The following ARID3A variants were observed in gnomAD, a reference collection of about 807,000 sequenced individuals.
The protein encoded by ARID3A is AT-rich interactive domain-containing protein 3A.
ARID3A carries 11 observed loss-of-function variants against 52.7 expected under a neutral mutation model. The ratio of observed to expected loss-of-function variants is 0.21; its 90% CI spans 0.13 to 0.35. ARID3A has a LOEUF of 0.35. ARID3A is among the 10% of genes least tolerant of loss of function. ARID3A has a pLI of 1.00. For missense variants in ARID3A, 721 were observed against 838.5 expected (o/e 0.86, Z 1.73); for synonymous variants, 404 against 359.4 (o/e 1.12, Z -1.40).
chr19:937,164 GGTTGAGACAGAACCGCTTGAA>G (rs1568358251), intron 3 of ARID3A, among the ~76,000 whole-genome samples: 1 of 151,624 alleles, frequency 6.6e-6, no homozygotes, highest in African/African-American at 2.4e-5. Flanking sequence ...GCACTCGGGA[GGTTGAGACAGAACCGCTTGAA>G]CCCGGGAGGC....
intron 6 of ARID3A, 164 bp downstream of exon 6, chr19:965,244 C>T: frequency 2.6e-6 from 2 of 772,310 alleles, no homozygotes; most frequent in South Asian, 2.1e-5. Context: ...CTATGGCAGA[C>T]ATTACCAATC....
At chr19:926,881 G>A (rs1568351806) in intron 1 of ARID3A, among the ~76,000 whole-genome samples, 2 of 151,224 alleles carry the variant, frequency 1.3e-5, no homozygotes, top group African/African-American at 2.5e-5. Flanking sequence ...GGCTGGAGGG[G>A]TTCCCCCCCC....
chr19:958,284 G>A (rs34913310), intron 3 of ARID3A: 17,378 of 151,172 alleles, frequency 0.11, 1,505 homozygotes, highest in East Asian at 0.4. Flanking sequence ...AAAATTAGCC[G>A]GGCGTGGTGG....
chr19:971,205 C>T (rs559756458), intron 8 of ARID3A, among the ~76,000 whole-genome samples: 10 of 152,288 alleles, frequency 6.6e-5, no homozygotes, highest in South Asian at 2.1e-4. Context: ...GCTGGGCTCA[C>T]GTCTGTAATC....
At chr19:954,836 TG>T (rs2037882953) in intron 3 of ARID3A, among the ~76,000 whole-genome samples, 1 of 79,052 alleles carries the variant, frequency 1.3e-5, no homozygotes, top group African/African-American at 4.9e-5. Flanking sequence ...TGGGGGGCGG[TG>T]GGGGTCTCAG....
rs945831051 is a variant in ARID3A at position 941,980 on chromosome 19, C to T, written c.693+9238C>T. The stretch of plus-strand genomic sequence containing the variant: ...TGCTGGACCCTGAAGCATGAGGTCG[C>T]GGTGGGGCCTATTAACCATTAGACC... On this transcript the variant is annotated intron_variant, in intron 3 of 8. Transcript: ENST00000263620. The surrounding 1 kb of genome is among the most constrained non-coding windows in gnomAD (Gnocchi z 6.9). 6.6e-5 allele frequency among the ~76,000 whole-genome samples: 10 copies of T among 152,126 alleles called. No individual in the cohort carries two copies. The highest frequency in any genetic ancestry group is 2.1e-4 in the South Asian group (1 of 4,830).
upstream of ARID3A, chr19:925,945 T>C (rs1340072322): frequency 2.0e-5 from 2 of 101,674 alleles, no homozygotes; most frequent in African/African-American, 7.7e-5. Flanking sequence ...GAGCGACTCG[T>C]CCCCTGGTGA....
chr19:943,693 G>T (rs1450135813), intron 3 of ARID3A, among the ~76,000 whole-genome samples: 3 of 152,232 alleles, frequency 2.0e-5, no homozygotes, highest in Non-Finnish European at 2.9e-5. Context: ...GCCCCCAGAA[G>T]CTGGGAGAGG....
Position 972,222 on chromosome 19 carries a change from G to GATATATATAT in ARID3A, c.*173_*182dup, listed in dbSNP as rs10637085. The GATATATATAT allele has an allele frequency of 1.0e-3, 222 of 222,680 alleles. No individual in the cohort carries two copies. The highest frequency in any genetic ancestry group is 2.3e-3 in the Admixed American group (36 of 15,678). 13.8% of individuals were successfully genotyped at this position (222,680 alleles called of 1,614,324 possible). ...CTGACGCCAAAAAGAAAAGAAAAAA[G>GATATATATAT]ATATATATATATATATATATATATA... is the stretch of plus-strand genomic sequence containing the variant. On this transcript the variant is annotated 3_prime_UTR_variant, in exon 9 of 9. Transcript: ENST00000263620.
chr19:940,370 C>T lies in ARID3A; in HGVS notation c.693+7628C>T, dbSNP rs566103018. 6.5e-4 allele frequency among the ~76,000 whole-genome samples: 98 copies of T among 151,894 alleles called. 1 individual carries two copies. The South Asian group carries it at 7.1e-3, about 11-fold the overall frequency. ...GTTTGCACTGGGCCGCATTTACAGC[C>T]GTCCTGGGCCGCGGGTCAGTCAAGC... On this transcript the variant is annotated intron_variant, in intron 3 of 8. Transcript: ENST00000263620.
chr19:961,288 GC>G (rs1283796261), intron 4 of ARID3A, among the ~76,000 whole-genome samples: 1 of 152,166 alleles, frequency 6.6e-6, no homozygotes, highest in Admixed American at 6.5e-5. Context: ...GCCACTGCCA[GC>G]CGCCCGGAAG....
chr19:974,933 C>T lies in ARID3A; in HGVS notation c.*2868C>T. The T allele has an allele frequency of 8.7e-6, 2 of 229,276 alleles. No homozygotes were observed. Among genetic ancestry groups the T allele is most frequent in the East Asian group, 1.2e-4 (2 of 16,208 alleles). 14.2% of individuals were successfully genotyped at this position (229,276 alleles called of 1,614,324 possible). On this transcript the variant is annotated 3_prime_UTR_variant, in exon 9 of 9. Coordinates refer to ENST00000263620, the MANE Select transcript of ARID3A (RefSeq NM_005224.3). Reference sequence around the variant, plus strand: ...AGAAGGAAGTCGCTGAAGGCAGTGGCCATGCTGGCCGTGGAAATGGGAGGC... The same window carrying T: ...AGAAGGAAGTCGCTGAAGGCAGTGGTCATGCTGGCCGTGGAAATGGGAGGC...
intron 3 of ARID3A, among the ~76,000 whole-genome samples, chr19:940,181 C>T (rs1398163842): frequency 6.6e-6 from 1 of 152,056 alleles, no homozygotes; most frequent in Non-Finnish European, 1.5e-5. Context: ...GTGACTGGAG[C>T]GTAATGTGTG....
chr19:970,812 G>A (rs1303911051), intron 8 of ARID3A, among the ~76,000 whole-genome samples: 1 of 152,108 alleles, frequency 6.6e-6, no homozygotes, highest in East Asian at 1.9e-4. Context: ...TCAGGCCGAT[G>A]GTTCATAGTG....
Position 932,470 on chromosome 19 carries a change from G to A in ARID3A, c.421G>A (p.Glu141Lys). ...EMEEDLGEDE[E>K]EEEEDYEDEE... is the part of the protein sequence containing the mutation. ...GGAGGAAGACCTCGGGGAGGATGAG[G>A]AGGAGGAGGAGGAGGATTACGAGGA... The change falls in exon 3 of 9, where the codon GAG becomes AAG. Residue 141 changes from glutamate (E) to lysine (K), a missense_variant. Glu to Lys is a moderately conservative substitution (Grantham distance 56). Coordinates refer to ENST00000263620, the MANE Select transcript of ARID3A (RefSeq NM_005224.3). 1.9e-6 allele frequency: 3 copies of A among 1,575,656 alleles called. No individual in the cohort carries two copies. Among genetic ancestry groups the A allele is most frequent in the Non-Finnish European group, 2.6e-6 (3 of 1,167,262 alleles).
chr19:968,161 C>T (rs2038200464), intron 7 of ARID3A, among the ~76,000 whole-genome samples: 1 of 151,818 alleles, frequency 6.6e-6, no homozygotes, highest in Non-Finnish European at 1.5e-5. Context: ...GAGATCGAGA[C>T]CATCCTGGCC....
At position 974,230 on chromosome 19, in the gene ARID3A, G is replaced by A. The variant is rs552001043; in HGVS notation, c.*2165G>A. Reference sequence around the variant, plus strand: ...GGGACTGTCACTTTCCTGTGTCTTTGGGGAGGGGACCCCCACTTCCTTCTC... The same window carrying A: ...GGGACTGTCACTTTCCTGTGTCTTTAGGGAGGGGACCCCCACTTCCTTCTC... On this transcript the variant is annotated 3_prime_UTR_variant, in exon 9 of 9. Transcript: ENST00000263620. The A allele has an allele frequency of 3.8e-3, 861 of 226,546 alleles. 5 individuals carry two copies. The highest frequency in any genetic ancestry group is 6.8e-3 in the Middle Eastern group (5 of 734). 14.0% of individuals were successfully genotyped at this position (226,546 alleles called of 1,614,324 possible).
chr19:935,324 C>T (rs1397325498), intron 3 of ARID3A, among the ~76,000 whole-genome samples: 2 of 152,182 alleles, frequency 1.3e-5, no homozygotes, highest in Non-Finnish European at 2.9e-5. Flanking sequence ...AACCTTGCTG[C>T]CTGGGGCCTG....
chr19:930,871 C>G lies in ARID3A; in HGVS notation c.368+975C>G, dbSNP rs532059223. On this transcript the variant is annotated intron_variant, in intron 2 of 8. Coordinates refer to ENST00000263620, the MANE Select transcript of ARID3A (RefSeq NM_005224.3). ...CCACCGATGGCTACAGCAGATTCAG[C>G]GGCAGGGGCAGATAAAATCTGCAGC... Among the ~76,000 whole-genome samples, 3 of 152,192 alleles carry G rather than the reference C, an allele frequency of 2.0e-5. No individual in the cohort carries two copies. In the East Asian group the frequency reaches 5.9e-4, roughly 30 times the overall value.
Sources: gnomAD v4.1 joint callset for allele counts (sites outside exome capture counted in the v4.1 genomes callset) on GRCh38, gnomAD v4.1.1 for gene constraint, Gnocchi (gnomAD v3.1) non-coding constraint, MANE v1.5 for transcripts, NCBI Gene and HGNC (gene_info 2026-07-23, HGNC 2026-07-21) for gene names.